The following COG4 variants were observed in gnomAD, a reference collection of about 807,000 sequenced individuals.
COG4 encodes the protein component of oligomeric golgi complex 4.
Under a neutral mutation model 95.1 loss-of-function variants are expected in COG4, and 65 were observed. That is an observed-to-expected ratio of 0.68 (90% CI 0.56 to 0.84). The LOEUF (loss-of-function observed/expected upper bound fraction) is 0.84, where lower values mean the gene tolerates loss of function less well. COG4 is among the 40% of genes least tolerant of loss of function. COG4 has a pLI of 0.00. For missense variants in COG4, 1,045 were observed against 989.1 expected (o/e 1.06, Z -0.76); for synonymous variants, 421 against 374.8 (o/e 1.12, Z -1.42).
chr16:70,516,110 T>C (rs1167633509), intron 3 of COG4: 2 of 454,030 alleles, frequency 4.4e-6, no homozygotes, highest in Admixed American at 4.7e-5. Context: ...ATGTGTTTTT[T>C]GTCCTTTTTT....
intron 12 of COG4, among the ~76,000 whole-genome samples, chr16:70,491,007 C>G (rs954413976): frequency 6.6e-6 from 1 of 152,054 alleles, no homozygotes; most frequent in African/African-American, 2.4e-5. Flanking sequence ...AGAAATGACT[C>G]AGGCATACAG....
At chr16:70,514,637 C>G in intron 3 of COG4, 128 bp from the exon 4 acceptor site, 1 of 742,416 alleles carries the variant, frequency 1.3e-6, no homozygotes. Flanking sequence ...AACACCACCA[C>G]TACTGTTAAC....
chr16:70,502,840 T>A (rs993224445), intron 8 of COG4, among the ~76,000 whole-genome samples: 1 of 152,136 alleles, frequency 6.6e-6, no homozygotes, highest in Non-Finnish European at 1.5e-5. Flanking sequence ...TGAATAGATA[T>A]ATGGATTAAT....
intron 12 of COG4, among the ~76,000 whole-genome samples, chr16:70,494,724 G>T (rs1597665568): frequency 6.6e-6 from 1 of 152,164 alleles, no homozygotes; most frequent in East Asian, 1.9e-4. Context: ...TCTGAGCACA[G>T]AAATGAAAGT....
intron 12 of COG4, among the ~76,000 whole-genome samples, chr16:70,490,928 G>C (rs2049231432): frequency 6.6e-6 from 1 of 151,920 alleles, no homozygotes; most frequent in Non-Finnish European, 1.5e-5. Context: ...CAAAGTGCTG[G>C]GATTACAGGC....
chr16:70,499,369 T>G (rs1196050158), intron 9 of COG4, among the ~76,000 whole-genome samples: 1 of 152,216 alleles, frequency 6.6e-6, no homozygotes, highest in Admixed American at 6.5e-5. Context: ...GTGATAGTCA[T>G]CACTGACATT....
intron 8 of COG4, among the ~76,000 whole-genome samples, chr16:70,506,621 A>AAAAAAAAAAAAAAAT (rs2049579854): frequency 7.5e-6 from 1 of 132,798 alleles, no homozygotes; most frequent in Non-Finnish European, 1.6e-5. Context: ...AAAAAAACAA[A>AAAAAAAAAAAAAAAT]AAAAAAAACA....
Position 70,482,690 on chromosome 16 carries a change from G to T in COG4, c.1920+39C>A, listed in dbSNP as rs754779083. 14 of 1,520,254 alleles carry T rather than the reference G, an allele frequency of 9.2e-6. No individual in the cohort carries two copies. The South Asian group carries it at 1.2e-4, about 13-fold the overall frequency. 94.2% of individuals were successfully genotyped at this position (1,520,254 alleles called of 1,614,324 possible). A position where few individuals can be genotyped will look rare whatever the true frequency, so the allele number is the denominator to read the frequency against. On this transcript the variant is annotated intron_variant, in intron 15 of 18. Transcript: ENST00000323786. ...CCTCTAGCTGGGGCTAGGGATGAGG[G>T]GTCATCGGGGCTTGATGGCTGCCTG...
chr16:70,481,900 C>T (rs751232128), intron 16 of COG4, 35 bp from the exon 17 acceptor site: 1 of 1,568,398 alleles, frequency 6.4e-7, no homozygotes, highest in Non-Finnish European at 8.8e-7. Flanking sequence ...CCGAGCCCCA[C>T]CTAACTCCTC....
intron 17 of COG4, 68 bp downstream of exon 17, chr16:70,481,696 G>A (rs555985478): frequency 2.1e-6 from 3 of 1,420,666 alleles, no homozygotes; most frequent in Non-Finnish European, 2.0e-6. Flanking sequence ...AGTCCTGGGG[G>A]TGGTGGCATG....
intron 1 of COG4, among the ~76,000 whole-genome samples, chr16:70,520,895 A>G (rs578163119): frequency 6.6e-6 from 1 of 152,320 alleles, no homozygotes; most frequent in South Asian, 2.1e-4. Flanking sequence ...GTCAAACAGG[A>G]AACCACACAA....
At chr16:70,488,844 C>T (rs951882190) in intron 13 of COG4, among the ~76,000 whole-genome samples, 2 of 152,234 alleles carry the variant, frequency 1.3e-5, no homozygotes, top group African/African-American at 4.8e-5. Flanking sequence ...AGCCACCACA[C>T]CCGGCCCAGC....
rs140606571 is a variant in COG4, at chr16:70,513,434, G to A, written c.544+901C>T. On this transcript the variant is annotated intron_variant, in intron 4 of 18. Coordinates refer to ENST00000323786, the MANE Select transcript of COG4 (RefSeq NM_015386.3). ...ATACAGTAGTCTCTTCTTATCTGTA[G>A]GGGATCCATTCCAAGACCGTTATGG... Among the ~76,000 whole-genome samples the A allele has an allele frequency of 8.4e-3, 1,286 of 152,268 alleles. 14 individuals carry two copies. Among genetic ancestry groups the A allele is most frequent in the Non-Finnish European group, 0.014 (960 of 68,022 alleles).
rs61397425 is a variant in COG4 at position 70,520,374 on chromosome 16, TGGGGGGGGGG to T, written c.172-653_172-644del. Reference sequence around the variant, plus strand: ...AGGAGAATGACATGAACCCGGGGGGTGGGGGGGGGGGGGGGCGGAGCTTGCAGTGAGCCGA... The same window carrying T: ...AGGAGAATGACATGAACCCGGGGGGTGGGGGCGGAGCTTGCAGTGAGCCGA... On this transcript the variant is annotated intron_variant, in intron 1 of 18. Coordinates refer to ENST00000323786, the MANE Select transcript of COG4 (RefSeq NM_015386.3). 6.7e-3 allele frequency among the ~76,000 whole-genome samples: 15 copies of T among 2,246 alleles called. 1 individual carries two copies. The highest frequency in any genetic ancestry group is 0.014 in the Admixed American group (2 of 142). 1.5% of individuals were successfully genotyped at this position (2,246 alleles called of 152,430 possible). A position where few individuals can be genotyped will look rare whatever the true frequency, so the allele number is the denominator to read the frequency against.
intron 6 of COG4, among the ~76,000 whole-genome samples, chr16:70,509,640 T>G (rs1366696542): frequency 6.6e-6 from 1 of 152,222 alleles, no homozygotes; most frequent in Non-Finnish European, 1.5e-5. Context: ...TCTTTGGAAA[T>G]CAGCATCACT....
intron 2 of COG4, 31 bp downstream of exon 2, chr16:70,519,618 C>T: frequency 6.5e-7 from 1 of 1,542,214 alleles, no homozygotes; most frequent in Non-Finnish European, 9.0e-7. Flanking sequence ...TTGGAATTTA[C>T]ATTAGCTCTT....
chr16:70,487,595 CAAT>C (rs542759395), intron 13 of COG4, among the ~76,000 whole-genome samples: 50 of 152,296 alleles, frequency 3.3e-4, no homozygotes, highest in Non-Finnish European at 5.0e-4. Flanking sequence ...AAAAAACCAA[CAAT>C]GATGACAGCC....
At chr16:70,509,059 T>G in intron 7 of COG4, 172 bp downstream of exon 7, 1 of 792,254 alleles carries the variant, frequency 1.3e-6, no homozygotes, top group Non-Finnish European at 2.1e-6. Context: ...CGACAACACC[T>G]CAAGTCCAAA....
chr16:70,482,780 C>A lies in COG4; in HGVS notation c.1869G>T (p.Gln623His). The A allele has an allele frequency of 6.2e-7, 1 of 1,613,920 alleles. No homozygotes were observed. The change falls in exon 15 of 19, where the codon CAG becomes CAT. Residue 623 changes from glutamine (Q) to histidine (H), a missense_variant. By Grantham distance (24) the Gln-to-His change is conservative (BLOSUM62 0). Coordinates refer to ENST00000323786, the MANE Select transcript of COG4 (RefSeq NM_015386.3). ...AAAAGCTGTTGATCCAAGGCTGCAC[C>A]TGTGGCTTGATGGCTGTGCTGTTGA... Reference protein sequence around the residue: ...TELNSTAIKPQVQPWINSFFS... With the variant: ...TELNSTAIKPHVQPWINSFFS...
Sources: allele counts gnomAD v4.1 joint callset (sites outside exome capture counted in the v4.1 genomes callset), GRCh38; gene constraint gnomAD v4.1.1; transcripts MANE v1.5; gene names NCBI Gene and HGNC (gene_info 2026-07-23, HGNC 2026-07-21).